The following CALN1 variants were observed in gnomAD, a reference collection of about 807,000 sequenced individuals.
The protein encoded by CALN1 is calcium-binding protein 8.
CALN1 carries 17 observed loss-of-function variants against 30.6 expected under a neutral mutation model. That is an observed-to-expected ratio of 0.56 (90% confidence interval 0.38 to 0.83). The LOEUF is 0.83. Among genes scored for constraint, CALN1 ranks in the 40% least tolerant of loss-of-function variants. The probability of loss-of-function intolerance (pLI) is 0.00; values close to 1 mark genes in which losing one functional copy is unlikely to be tolerated. For missense variants in CALN1, 291 were observed against 354.9 expected (o/e 0.82, Z 1.45); for synonymous variants, 156 against 131.4 (o/e 1.19, Z -1.28).
At chr7:72,022,122 T>C (rs556097331) in intron 5 of CALN1, among the ~76,000 whole-genome samples, 10 of 152,348 alleles carry the variant, frequency 6.6e-5, no homozygotes, top group African/African-American at 2.4e-4. Context: ...TTCTTTGCAT[T>C]TAATTCCACC....
At chr7:72,418,645 A>G (rs1282799713) in intron 1 of CALN1, among the ~76,000 whole-genome samples, 1 of 151,594 alleles carries the variant, frequency 6.6e-6, no homozygotes, top group Non-Finnish European at 1.5e-5. Context: ...GGGCTCCTGG[A>G]GTTTACCAGA....
intron 3 of CALN1, among the ~76,000 whole-genome samples, chr7:72,195,855 A>G (rs1438303313): frequency 3.9e-5 from 6 of 152,226 alleles, no homozygotes; most frequent in African/African-American, 1.4e-4. Flanking sequence ...TGAAAAATGG[A>G]TAAACAAAAT....
chr7:71,871,961 C>T (rs975567086), intron 5 of CALN1, among the ~76,000 whole-genome samples: 3 of 152,136 alleles, frequency 2.0e-5, no homozygotes, highest in East Asian at 1.9e-4. Flanking sequence ...ATGATCATTC[C>T]GTACTGTCCA....
chr7:72,173,008 TTAAAA>T (rs1789078214), intron 3 of CALN1, among the ~76,000 whole-genome samples: 2 of 152,116 alleles, frequency 1.3e-5, no homozygotes, highest in African/African-American at 4.8e-5. Flanking sequence ...TTTGAAGATC[TTAAAA>T]TAAGTAAAAT....
chr7:72,336,787 G>C (rs1405600560), intron 2 of CALN1: 3 of 985,190 alleles, frequency 3.0e-6, no homozygotes, highest in Non-Finnish European at 3.6e-6. Context: ...CCCGCAGGGA[G>C]GGGGCGGTGC....
At chr7:72,337,318 CGG>C in intron 2 of CALN1, 1 of 980,232 alleles carries the variant, frequency 1.0e-6, no homozygotes, top group Non-Finnish European at 1.2e-6. Flanking sequence ...CTCCGAGGGT[CGG>C]GGAGCCCCCA....
chr7:72,175,961 A>C (rs948086768), intron 3 of CALN1, among the ~76,000 whole-genome samples: 2 of 152,052 alleles, frequency 1.3e-5, no homozygotes, highest in Admixed American at 6.6e-5. Flanking sequence ...TAAAAAAAAA[A>C]CTAAATGCAA....
At chr7:72,411,775 T>G (rs990908229) in intron 1 of CALN1, among the ~76,000 whole-genome samples, 1 of 151,926 alleles carries the variant, frequency 6.6e-6, no homozygotes, top group Non-Finnish European at 1.5e-5. Flanking sequence ...ATGTAATTGC[T>G]AAGGAATAAA....
chr7:72,398,250 A>G (rs1418508824), intron 2 of CALN1, among the ~76,000 whole-genome samples: 1 of 152,166 alleles, frequency 6.6e-6, no homozygotes, highest in Non-Finnish European at 1.5e-5. Flanking sequence ...GTCACAAGGA[A>G]GTTTACAGGT....
intron 3 of CALN1, among the ~76,000 whole-genome samples, chr7:72,109,103 G>A (rs1346114800): frequency 1.3e-5 from 2 of 152,108 alleles, no homozygotes; most frequent in African/African-American, 2.4e-5. Flanking sequence ...TGTAGGAGGC[G>A]CTAGACAGAT....
Position 72,372,623 on chromosome 7 carries a change from T to G in CALN1, c.119+30628A>C, listed in dbSNP as rs1331700317. Among the ~76,000 whole-genome samples the G allele has an allele frequency of 3.3e-5, 5 of 152,266 alleles. No individual in the cohort carries two copies. The East Asian group carries it at 7.7e-4, about 24-fold the overall frequency. ...ACAATGGAGTAGACAATAGCTTTGGTGCCAAACTAGTCACTGGCGTCACAC... is the reference window on the plus strand; with the variant it reads ...ACAATGGAGTAGACAATAGCTTTGGGGCCAAACTAGTCACTGGCGTCACAC... On this transcript the variant is annotated intron_variant, in intron 2 of 6. Transcript: ENST00000395275.
At chr7:72,273,958 T>C (rs754394466) in intron 3 of CALN1, among the ~76,000 whole-genome samples, 29 of 152,210 alleles carry the variant, frequency 1.9e-4, no homozygotes, top group Non-Finnish European at 1.3e-4. Flanking sequence ...GTTACCATCA[T>C]CTGGAAGACG....
intron 2 of CALN1, among the ~76,000 whole-genome samples, chr7:72,378,814 T>A (rs1440784512): frequency 3.9e-5 from 6 of 152,146 alleles, no homozygotes; most frequent in Admixed American, 3.9e-4. Context: ...GTGATCTGCC[T>A]GCCTCCGCCT....
At chr7:71,911,008 T>C (rs1377890094) in intron 5 of CALN1, among the ~76,000 whole-genome samples, 1 of 152,032 alleles carries the variant, frequency 6.6e-6, no homozygotes, top group Non-Finnish European at 1.5e-5. Context: ...GGTAGGAAAA[T>C]TGGGTTCCTG....
At chr7:72,099,864 A>G (rs999404744) in intron 4 of CALN1, among the ~76,000 whole-genome samples, 3 of 152,244 alleles carry the variant, frequency 2.0e-5, no homozygotes, top group Non-Finnish European at 4.4e-5. Context: ...AATTCGCTGC[A>G]AGATTTGCTC....
At chr7:71,988,206 G>A (rs905584499) in intron 5 of CALN1, among the ~76,000 whole-genome samples, 3 of 152,186 alleles carry the variant, frequency 2.0e-5, no homozygotes, top group Non-Finnish European at 4.4e-5. Context: ...TCAACCCTAG[G>A]AGGTGTGTAA....
At chr7:71,955,106 G>A (rs1796889232) in intron 5 of CALN1, among the ~76,000 whole-genome samples, 1 of 152,034 alleles carries the variant, frequency 6.6e-6, no homozygotes, top group Admixed American at 6.6e-5. Context: ...GGGAGACCTC[G>A]CAATCATGGC....
At chr7:72,256,840 T>C (rs1795948278) in intron 3 of CALN1, among the ~76,000 whole-genome samples, 1 of 152,144 alleles carries the variant, frequency 6.6e-6, no homozygotes, top group South Asian at 2.1e-4. Flanking sequence ...CCTATTCCCT[T>C]ACTCCTTCCC....
At chr7:72,163,943 A>G (rs1419900489) in intron 3 of CALN1, among the ~76,000 whole-genome samples, 1 of 152,170 alleles carries the variant, frequency 6.6e-6, no homozygotes, top group Non-Finnish European at 1.5e-5. Flanking sequence ...GGCAAAAAGA[A>G]AGAAGAAAGA....
Sources: gnomAD v4.1 joint callset for allele counts (sites outside exome capture counted in the v4.1 genomes callset) on GRCh38, gnomAD v4.1.1 for gene constraint, MANE v1.5 for transcripts, NCBI Gene and HGNC (gene_info 2026-07-23, HGNC 2026-07-21) for gene names.